The following VWC2L variants were observed in gnomAD, a reference collection of about 807,000 sequenced individuals.
The protein encoded by VWC2L is von Willebrand factor C domain containing 2 like.
A neutral mutation model predicts 21.6 loss-of-function variants in VWC2L; 10 were observed. The observed-to-expected ratio is 0.46, with a 90% confidence interval of 0.29 to 0.78. The LOEUF (loss-of-function observed/expected upper bound fraction) is 0.78, where lower values mean the gene tolerates loss of function less well. VWC2L is among the 30% of genes least tolerant of loss of function. The probability of loss-of-function intolerance (pLI) is 0.10; values close to 1 mark genes in which losing one functional copy is unlikely to be tolerated. For missense variants in VWC2L, 209 were observed against 277.1 expected (o/e 0.75, Z 1.74); for synonymous variants, 96 against 94.3 (o/e 1.02, Z -0.10).
At chr2:214,528,749 C>T (rs1689383649) in intron 3 of VWC2L, among the ~76,000 whole-genome samples, 1 of 152,128 alleles carries the variant, frequency 6.6e-6, no homozygotes, top group Non-Finnish European at 1.5e-5. Context: ...GGGAGTTTAA[C>T]ACACAGAGTA....
At chr2:214,556,359 A>G (rs1689872709) in intron 3 of VWC2L, among the ~76,000 whole-genome samples, 1 of 152,206 alleles carries the variant, frequency 6.6e-6, no homozygotes, top group Non-Finnish European at 1.5e-5. Context: ...TATGGACTTC[A>G]AGGAGAAAAA....
chr2:214,530,218 CTTAG>C (rs1223028995), intron 3 of VWC2L, among the ~76,000 whole-genome samples: 1 of 152,158 alleles, frequency 6.6e-6, no homozygotes, highest in Non-Finnish European at 1.5e-5. Context: ...CTCACCTTTC[CTTAG>C]TTAAAATGTT....
chr2:214,520,511 G>A lies in VWC2L; in HGVS notation c.521-55161G>A, dbSNP rs114788555. Among the ~76,000 whole-genome samples the A allele has an allele frequency of 4.7e-3, 711 of 152,058 alleles. 4 individuals are homozygous for A. The highest frequency in any genetic ancestry group is 0.015 in the South Asian group (72 of 4,812). ...TTTGTTCATGATTCACTTATTTCCC[G>A]AGACTGGCGATATAGAAGTAAAATT... On this transcript the variant is annotated intron_variant, in intron 3 of 3. Transcript: ENST00000312504.
At chr2:214,561,518 A>G (rs1331214772) in intron 3 of VWC2L, among the ~76,000 whole-genome samples, 5 of 152,118 alleles carry the variant, frequency 3.3e-5, no homozygotes, top group Admixed American at 6.6e-5. Context: ...GTTCATGCCT[A>G]TAATTTCAGC....
chr2:214,533,172 T>C (rs1689468504), intron 3 of VWC2L, among the ~76,000 whole-genome samples: 1 of 152,184 alleles, frequency 6.6e-6, no homozygotes, highest in African/African-American at 2.4e-5. Flanking sequence ...CAGTTTCTTT[T>C]GTAACCCAGA....
intron 3 of VWC2L, among the ~76,000 whole-genome samples, chr2:214,557,398 CA>C (rs1401614251): frequency 6.6e-6 from 1 of 152,080 alleles, no homozygotes; most frequent in African/African-American, 2.4e-5. Context: ...TTCCCTACCA[CA>C]ACACATGTGA....
At chr2:214,455,579 A>G (rs1703044940) in intron 3 of VWC2L, among the ~76,000 whole-genome samples, 1 of 152,180 alleles carries the variant, frequency 6.6e-6, no homozygotes, top group South Asian at 2.1e-4. Context: ...CTATTTTGAA[A>G]TATACAATAT....
chr2:214,541,992 G>A (rs1689635753), intron 3 of VWC2L, among the ~76,000 whole-genome samples: 1 of 151,676 alleles, frequency 6.6e-6, no homozygotes, highest in African/African-American at 2.4e-5. Flanking sequence ...TTCACCTGCT[G>A]AAGAGCTGCT....
intron 3 of VWC2L, among the ~76,000 whole-genome samples, chr2:214,561,809 T>TATATATATATATATACATAC (rs1489588765): frequency 7.9e-6 from 1 of 127,228 alleles, no homozygotes; most frequent in Non-Finnish European, 1.6e-5. Context: ...TATATATATA[T>TATATATATATATATACATAC]ACACACACAT....
intron 3 of VWC2L, among the ~76,000 whole-genome samples, chr2:214,555,800 T>C (rs1279835689): frequency 6.6e-6 from 1 of 152,212 alleles, no homozygotes; most frequent in East Asian, 1.9e-4. Context: ...TATTTGCTCA[T>C]TAGTGTATGA....
intron 3 of VWC2L, chr2:214,473,706 C>G (rs1430711345): frequency 1.3e-5 from 2 of 149,384 alleles, no homozygotes; most frequent in African/African-American, 5.0e-5. Context: ...ACACTTACAA[C>G]AACTTTAATT....
At chr2:214,497,201 G>T (rs955781457) in intron 3 of VWC2L, among the ~76,000 whole-genome samples, 1 of 47,320 alleles carries the variant, frequency 2.1e-5, no homozygotes, top group African/African-American at 8.2e-5. Flanking sequence ...ATTTGATAGT[G>T]TATTGGAAAG....
At chr2:214,487,978 T>C (rs539149342) in intron 3 of VWC2L, among the ~76,000 whole-genome samples, 4 of 152,178 alleles carry the variant, frequency 2.6e-5, no homozygotes, top group Non-Finnish European at 5.9e-5. Flanking sequence ...ATTGATACTG[T>C]TGCTATTACA....
intron 3 of VWC2L, among the ~76,000 whole-genome samples, chr2:214,575,146 G>C (rs1690209682): frequency 6.6e-6 from 1 of 151,604 alleles, no homozygotes; most frequent in Non-Finnish European, 1.5e-5. Context: ...ATCTGGTCAT[G>C]AATTATTCAT....
At chr2:214,500,806 G>C (rs796072467) in intron 3 of VWC2L, among the ~76,000 whole-genome samples, 1 of 152,166 alleles carries the variant, frequency 6.6e-6, no homozygotes, top group African/African-American at 2.4e-5. Context: ...GTAAACAAAC[G>C]ACCAACCTCC....
chr2:214,537,867 A>G lies in VWC2L; in HGVS notation c.521-37805A>G, dbSNP rs184620395. The stretch of plus-strand genomic sequence containing the variant: ...ATCCATAAAACCAAACAAAGTGACC[A>G]AAAATAAGCAAATTGCTTCCAAAGG... On this transcript the variant is annotated intron_variant, in intron 3 of 3. Transcript: ENST00000312504. 1.5e-4 allele frequency among the ~76,000 whole-genome samples: 22 copies of G among 151,482 alleles called. No homozygotes were observed. In the East Asian group the frequency reaches 2.0e-3, roughly 13 times the overall value.
intron 3 of VWC2L, among the ~76,000 whole-genome samples, chr2:214,550,354 C>T (rs1689774224): frequency 6.6e-6 from 1 of 152,244 alleles, no homozygotes; most frequent in Non-Finnish European, 1.5e-5. Context: ...CCATTTCAAC[C>T]TTGGCTCTTT....
chr2:214,475,195 G>T (rs1688496592), intron 3 of VWC2L, among the ~76,000 whole-genome samples: 1 of 152,106 alleles, frequency 6.6e-6, no homozygotes, highest in African/African-American at 2.4e-5. Context: ...ATGTTGAGAA[G>T]TTTCTTCATG....
At chr2:214,423,139 C>T (rs368047692) in intron 2 of VWC2L, among the ~76,000 whole-genome samples, 10 of 151,994 alleles carry the variant, frequency 6.6e-5, no homozygotes, top group African/African-American at 1.9e-4. Context: ...ATTTACCTTT[C>T]ACTACCATTG....
Sources: allele counts gnomAD v4.1 joint callset (sites outside exome capture counted in the v4.1 genomes callset), GRCh38; gene constraint gnomAD v4.1.1; transcripts MANE v1.5; gene names NCBI Gene and HGNC (gene_info 2026-07-23, HGNC 2026-07-21).